The following ANKDD1A variants were observed in gnomAD, a reference collection of about 807,000 sequenced individuals.
ANKDD1A encodes ankyrin repeat and death domain containing 1A, also known as ankyrin repeat and death domain-containing protein 1A.
A neutral mutation model predicts 63.5 loss-of-function variants in ANKDD1A; 59 were observed. That is an observed-to-expected ratio of 0.93 (90% CI 0.75 to 1.15). ANKDD1A has a LOEUF of 1.15. Ranked by LOEUF, ANKDD1A falls within the 50% of genes most tolerant of loss-of-function variation. ANKDD1A has a pLI of 0.00. For missense variants in ANKDD1A, 632 were observed against 656.4 expected (o/e 0.96, Z 0.41); for synonymous variants, 266 against 263.9 (o/e 1.01, Z -0.08).
Position 64,911,949 on chromosome 15 carries a change from T to G in ANKDD1A, c.19T>G (p.Trp7Gly). ...CGGCAGGATGCAGGAGGAGCTGGCG[T>G]GGGAGACCGACGGCCGTGAGTCTGC... MQEELA[W>G]ETDGLLPLER... The change falls in exon 1 of 15, where the codon TGG becomes GGG. Residue 7 changes from tryptophan (W) to glycine (G), a missense_variant. Coordinates refer to ENST00000319580, the MANE Select transcript of ANKDD1A (RefSeq NM_182703.6). 1 of 1,105,948 alleles carries G rather than the reference T, an allele frequency of 9.0e-7. No homozygotes were observed. 68.5% of individuals were successfully genotyped at this position (1,105,948 alleles called of 1,614,324 possible).
chr15:64,953,096 CTTTCT>C (rs1168683362), intron 14 of ANKDD1A, among the ~76,000 whole-genome samples: 2 of 140,652 alleles, frequency 1.4e-5, no homozygotes, highest in Non-Finnish European at 3.1e-5. Context: ...CCTTCTTATA[CTTTCT>C]TTTCTTTCTT....
At chr15:64,918,071 TAAA>T (rs749252024) in intron 3 of ANKDD1A, among the ~76,000 whole-genome samples, 10 of 151,902 alleles carry the variant, frequency 6.6e-5, no homozygotes, top group African/African-American at 2.4e-4. Flanking sequence ...ACATTTAAAT[TAAA>T]AAAAAGCGCC....
At chr15:64,913,918 G>A (rs1200402648) in intron 1 of ANKDD1A, 1 of 152,210 alleles carries the variant, frequency 6.6e-6, no homozygotes, top group East Asian at 1.9e-4. Context: ...CACTTTGGGA[G>A]AGGGGACAGG....
At chr15:64,929,174 T>C (rs1382865976) in intron 6 of ANKDD1A, among the ~76,000 whole-genome samples, 2 of 152,220 alleles carry the variant, frequency 1.3e-5, no homozygotes, top group East Asian at 3.9e-4. Context: ...TATTTTTAGC[T>C]GAATTCAATT....
chr15:64,927,339 A>G (rs1472068065), intron 6 of ANKDD1A, among the ~76,000 whole-genome samples: 2 of 152,192 alleles, frequency 1.3e-5, no homozygotes, highest in African/African-American at 2.4e-5. Context: ...TGGGTTGAGC[A>G]GGGCTGTGAT....
chr15:64,954,380 TTTTCTTCTTC>T lies in ANKDD1A; in HGVS notation c.1484-2712_1484-2703del, dbSNP rs1226755327. Among the ~76,000 whole-genome samples, 9 of 23,792 alleles carry T rather than the reference TTTTCTTCTTC, an allele frequency of 3.8e-4. 1 individual carries two copies. Among genetic ancestry groups the T allele is most frequent in the African/African-American group, 4.5e-4 (9 of 20,162 alleles). The allele number at this position is 23,792 out of a possible 152,430, so 15.6% of individuals were successfully genotyped here. On this transcript the variant is annotated intron_variant, in intron 14 of 14. Transcript: ENST00000319580. ...CTTCTTCTCCTTCTTCTTCCTTTTC[TTTTCTTCTTC>T]TTTCTTCTTCCTTCCTCTTCTTCCT...
chr15:64,927,521 G>A (rs563214067), intron 6 of ANKDD1A, among the ~76,000 whole-genome samples: 1 of 152,092 alleles, frequency 6.6e-6, no homozygotes, highest in Non-Finnish European at 1.5e-5. Flanking sequence ...AAGGGACGGG[G>A]ACCAGAGGGT....
At chr15:64,949,087 G>A (rs1200748108) in intron 13 of ANKDD1A, among the ~76,000 whole-genome samples, 1 of 152,244 alleles carries the variant, frequency 6.6e-6, no homozygotes, top group Non-Finnish European at 1.5e-5. Context: ...AGAGGGGCAC[G>A]GAAGGTCAGA....
intron 12 of ANKDD1A, 63 bp from the exon 13 acceptor site, chr15:64,947,341 C>G (rs1335466781): frequency 6.5e-7 from 1 of 1,546,120 alleles, no homozygotes; most frequent in Non-Finnish European, 8.8e-7. Flanking sequence ...GGCCTCGGCT[C>G]GGCACTGCCC....
At chr15:64,922,205 C>T in intron 4 of ANKDD1A, 186 bp downstream of exon 4, 1 of 577,404 alleles carries the variant, frequency 1.7e-6, no homozygotes, top group Non-Finnish European at 3.1e-6. Flanking sequence ...AGTTCCCAGC[C>T]CTCTGGCTGG....
intron 2 of ANKDD1A, among the ~76,000 whole-genome samples, chr15:64,916,721 G>C (rs932520004): frequency 6.6e-6 from 1 of 152,236 alleles, no homozygotes; most frequent in South Asian, 2.1e-4. Context: ...GAGCAGCTGG[G>C]CTCCAGAGAG....
intron 4 of ANKDD1A, 49 bp from the exon 5 acceptor site, chr15:64,926,017 A>T (rs2085043635): frequency 6.5e-7 from 1 of 1,540,920 alleles, no homozygotes; most frequent in African/African-American, 1.4e-5. Flanking sequence ...AGTGTGTGAA[A>T]AGGGCCTCCC....
In ANKDD1A at chr15:64,953,702, C is replaced by CTT. The variant is rs2085356196; in HGVS notation, c.1484-3400_1484-3399dup. Among the ~76,000 whole-genome samples, 134 of 15,012 alleles carry CTT rather than the reference C, an allele frequency of 8.9e-3. 1 individual carries two copies. The South Asian group carries it at 0.095, about 11-fold the overall frequency. The allele number at this position is 15,012 out of a possible 152,430, so 9.8% of individuals were successfully genotyped here. A position where few individuals can be genotyped will look rare whatever the true frequency, so the allele number is the denominator to read the frequency against. On this transcript the variant is annotated intron_variant, in intron 14 of 14. Transcript: ENST00000319580. The stretch of plus-strand genomic sequence containing the variant: ...TTCTTCTCCTTCTCCCTTCTTCTTT[C>CTT]TTCTTCTCCTTGTTCTTCTCCTTCT...
rs1304070705 is a variant in ANKDD1A at position 64,949,894 on chromosome 15, G to A, written c.1405G>A (p.Gly469Ser). 1.0e-5 allele frequency: 16 copies of A among 1,606,690 alleles called. No homozygotes were observed. The highest frequency in any genetic ancestry group is 1.4e-5 in the Non-Finnish European group (16 of 1,179,994). Residue 469 changes from glycine (G) to serine (S), a missense_variant, in exon 14 of 15, where the codon GGC (glycine) becomes AGC (serine). Transcript: ENST00000319580. ...CCGAATGCTGCTCATTTGGCTGCAT[G>A]GCGTGGCCACGGCTGGTGAGAACCC... Reference protein sequence around the residue: ...GHRMLLIWLHGVATAGENPSK... With the variant: ...GHRMLLIWLHSVATAGENPSK...
At chr15:64,951,122 C>T (rs1426677436) in intron 14 of ANKDD1A, 1 of 1,156,534 alleles carries the variant, frequency 8.6e-7, no homozygotes. Flanking sequence ...GTTAACAGAC[C>T]TCCAGGTGAT....
rs573884247 is a variant in ANKDD1A at position 64,955,048 on chromosome 15, T to TTTCTTTCTTTC, written c.1484-2050_1484-2049insTCTTTCTTCTT. On this transcript the variant is annotated intron_variant, in intron 14 of 14. Transcript: ENST00000319580. ...TCTTCCTCTTCTTCTTCTTTCTTTC[T>TTTCTTTCTTTC]TTCTTCTTCTTTTCTCTTTTTTTTG... 3.9e-5 allele frequency among the ~76,000 whole-genome samples: 5 copies of TTTCTTTCTTTC among 129,444 alleles called. No homozygotes were observed. The East Asian group carries it at 1.0e-3, about 26-fold the overall frequency. 84.9% of individuals were successfully genotyped at this position (129,444 alleles called of 152,430 possible).
chr15:64,940,406 A>C (rs747089181), intron 9 of ANKDD1A, among the ~76,000 whole-genome samples: 1 of 114,070 alleles, frequency 8.8e-6, no homozygotes, highest in African/African-American at 3.0e-5. Context: ...ATAGATAGAT[A>C]GATAGATAGA....
chr15:64,930,690 G>T (rs2085082657), intron 6 of ANKDD1A, 132 bp from the exon 7 acceptor site: 3 of 764,530 alleles, frequency 3.9e-6, no homozygotes, highest in Non-Finnish European at 6.3e-6. Context: ...ATCTGCCCCT[G>T]GTTATAGTTT....
intron 14 of ANKDD1A, chr15:64,951,128 G>T (rs2085266272): frequency 8.7e-7 from 1 of 1,152,920 alleles, no homozygotes; most frequent in African/African-American, 1.6e-5. Flanking sequence ...AGACCTCCAG[G>T]TGATTCTACT....
Sources: gnomAD v4.1 joint callset for allele counts (sites outside exome capture counted in the v4.1 genomes callset) on GRCh38, gnomAD v4.1.1 for gene constraint, MANE v1.5 for transcripts, NCBI Gene and HGNC (gene_info 2026-07-23, HGNC 2026-07-21) for gene names.